The following EGFR variants were observed in gnomAD, a reference collection of about 807,000 sequenced individuals.
EGFR encodes the protein avian erythroblastic leukemia viral (v-erb-b) oncogene homolog.
EGFR carries 58 observed loss-of-function variants against 143.0 expected under a neutral mutation model. The observed-to-expected ratio is 0.41, with a 90% CI of 0.33 to 0.50. The LOEUF (loss-of-function observed/expected upper bound fraction) is 0.50. EGFR is among the 20% of genes least tolerant of loss of function. The pLI is 0.39. For missense variants in EGFR, 1,307 were observed against 1,579.0 expected (o/e 0.83, Z 2.92); for synonymous variants, 613 against 594.4 (o/e 1.03, Z -0.45).
chr7:55,134,007 C>A (rs1467803704), intron 1 of EGFR, among the ~76,000 whole-genome samples: 1 of 152,226 alleles, frequency 6.6e-6, no homozygotes, highest in Non-Finnish European at 1.5e-5. Context: ...CGTTTACTCA[C>A]CCTCTGTCTA....
At chr7:55,147,352 T>C (rs561143417) in intron 4 of EGFR, among the ~76,000 whole-genome samples, 232 of 152,344 alleles carry the variant, frequency 1.5e-3, no homozygotes, top group Non-Finnish European at 2.4e-3. Flanking sequence ...TGGGGGACTC[T>C]GAGACGCAAG....
chr7:55,134,176 A>C (rs1431144627), intron 1 of EGFR, among the ~76,000 whole-genome samples: 5 of 151,334 alleles, frequency 3.3e-5, no homozygotes, highest in Non-Finnish European at 7.4e-5. Context: ...CAGTTCCAGG[A>C]CTCAGAACTC....
chr7:55,152,489 T>G, intron 5 of EGFR, 57 bp from the exon 6 acceptor site: 4 of 1,509,886 alleles, frequency 2.6e-6, no homozygotes, highest in Non-Finnish European at 3.7e-6. Context: ...GCGACATCCC[T>G]GGGAAATGAT....
chr7:55,183,420 G>A (rs943437542), intron 20 of EGFR, among the ~76,000 whole-genome samples: 1 of 152,170 alleles, frequency 6.6e-6, no homozygotes, highest in African/African-American at 2.4e-5. Context: ...CCTAAATCCA[G>A]GATGATTTCA....
chr7:55,054,119 G>A (rs4947965), intron 1 of EGFR, among the ~76,000 whole-genome samples: 39,318 of 151,750 alleles, frequency 0.26, 6,849 homozygotes, highest in East Asian at 0.84. Context: ...TGGTCTGCCC[G>A]TTCTTGTTCA....
intron 1 of EGFR, among the ~76,000 whole-genome samples, chr7:55,032,978 T>G (rs1351188806): frequency 6.6e-6 from 1 of 152,204 alleles, no homozygotes; most frequent in East Asian, 1.9e-4. Context: ...ACAATGCTCT[T>G]AAAGCAAAGT....
At chr7:55,114,257 T>A (rs146513176) in intron 1 of EGFR, among the ~76,000 whole-genome samples, 26 of 152,342 alleles carry the variant, frequency 1.7e-4, no homozygotes, top group African/African-American at 6.0e-4. Flanking sequence ...TAAAAGATGT[T>A]TACACTGGCC....
intron 1 of EGFR, among the ~76,000 whole-genome samples, chr7:55,141,401 C>G (rs1438401752): frequency 3.9e-5 from 6 of 152,000 alleles, no homozygotes; most frequent in African/African-American, 1.5e-4. Flanking sequence ...AAAATTTTTT[C>G]TTGGATTAAG....
intron 1 of EGFR, among the ~76,000 whole-genome samples, chr7:55,116,069 C>T (rs1439415064): frequency 6.6e-6 from 1 of 152,170 alleles, no homozygotes; most frequent in Non-Finnish European, 1.5e-5. Flanking sequence ...ACTGTTACAA[C>T]CTTACTCATT....
intron 1 of EGFR, among the ~76,000 whole-genome samples, chr7:55,105,718 A>G (rs1483423966): frequency 6.6e-6 from 1 of 152,244 alleles, no homozygotes; most frequent in South Asian, 2.1e-4. Context: ...CAGTCTAATC[A>G]GGGCTTATAT....
intron 19 of EGFR, among the ~76,000 whole-genome samples, chr7:55,177,442 C>A (rs558923582): frequency 1.2e-4 from 18 of 152,358 alleles, no homozygotes; most frequent in African/African-American, 3.8e-4. Context: ...CGTTCCCCTG[C>A]AGACACCAGG....
At chr7:55,094,731 A>G (rs1460960142) in intron 1 of EGFR, among the ~76,000 whole-genome samples, 1 of 152,238 alleles carries the variant, frequency 6.6e-6, no homozygotes, top group Non-Finnish European at 1.5e-5. Flanking sequence ...AGAAATAAAT[A>G]CATAGTGCTT....
chr7:55,034,641 C>T (rs1221183763), intron 1 of EGFR, among the ~76,000 whole-genome samples: 4 of 152,152 alleles, frequency 2.6e-5, no homozygotes, highest in Non-Finnish European at 5.9e-5. Flanking sequence ...GTAAAAAATG[C>T]GCCAACCATC....
rs1195270209 is a variant in EGFR, at chr7:55,057,703, A to T, written c.88+38338A>T. 5.9e-5 allele frequency among the ~76,000 whole-genome samples: 9 copies of T among 152,290 alleles called. No homozygotes were observed. In the East Asian group the frequency reaches 1.7e-3, roughly 29 times the overall value. On this transcript the variant is annotated intron_variant, in intron 1 of 27. Transcript: ENST00000275493. ...CTCGGTACTTGATTTTCTAACATAA[A>T]ATGGGATTGAGAGGGGAATTTTGAA...
At chr7:55,027,986 AAAAAAATATATATATATAT>A (rs1455511062) in intron 1 of EGFR, among the ~76,000 whole-genome samples, 23 of 88,668 alleles carry the variant, frequency 2.6e-4, no homozygotes, top group African/African-American at 1.1e-3. Flanking sequence ...AAAAAAAAAA[AAAAAAATATATATATATAT>A]ATATATATAT....
In EGFR at chr7:55,200,365, C is replaced by T. The variant is rs142305759; in HGVS notation, c.2898C>T (p.Ile966=). The T allele has an allele frequency of 4.3e-6, 7 of 1,614,030 alleles. No individual in the cohort carries two copies. The highest frequency in any genetic ancestry group is 4.0e-5 in the African/African-American group (3 of 74,914). ...DSRPKFRELI[I]EFSKMARDPQ... ...GCCCAAAGTTCCGTGAGTTGATCAT[C>T]GAATTCTCCAAAATGGCCCGAGACC... The change falls in exon 24 of 28, where the codon ATC becomes ATT. Residue 966 remains isoleucine, a synonymous_variant. Coordinates refer to ENST00000275493, the MANE Select transcript of EGFR (RefSeq NM_005228.5).
intron 1 of EGFR, among the ~76,000 whole-genome samples, chr7:55,126,170 A>G (rs971479375): frequency 4.6e-5 from 7 of 152,130 alleles, no homozygotes; most frequent in African/African-American, 2.4e-5. Flanking sequence ...GCACTCTTAG[A>G]TCATCCCCAT....
intron 1 of EGFR, among the ~76,000 whole-genome samples, chr7:55,105,107 A>C (rs988130560): frequency 1.3e-5 from 2 of 152,210 alleles, no homozygotes; most frequent in African/African-American, 2.4e-5. Flanking sequence ...GAGTCTAATG[A>C]ATGTTCTAAA....
Position 55,083,720 on chromosome 7 carries a change from G to GT in EGFR, c.89-58565dup, listed in dbSNP as rs564033438. Among the ~76,000 whole-genome samples, 167 of 152,298 alleles carry GT rather than the reference G, an allele frequency of 1.1e-3. 1 individual carries two copies. Among genetic ancestry groups the GT allele is most frequent in the African/African-American group, 3.8e-3 (158 of 41,566 alleles). Reference sequence around the variant, plus strand: ...AAATGGCTACTTATTAGTCGAATTTGTGTTTTAAAAATATGTGAACTAATA... The same window carrying GT: ...AAATGGCTACTTATTAGTCGAATTTGTTGTTTTAAAAATATGTGAACTAATA... On this transcript the variant is annotated intron_variant, in intron 1 of 27. Transcript: ENST00000275493.
Sources: allele counts gnomAD v4.1 joint callset (sites outside exome capture counted in the v4.1 genomes callset), GRCh38; gene constraint gnomAD v4.1.1; transcripts MANE v1.5; gene names NCBI Gene and HGNC (gene_info 2026-07-23, HGNC 2026-07-21).